NEGR1: variants seen among roughly 807,000 people sequenced by gnomAD.
NEGR1 encodes neuronal growth regulator 1.
Under a neutral mutation model 40.9 loss-of-function variants are expected in NEGR1, and 10 were observed. The observed-to-expected ratio is 0.24, with a 90% CI of 0.15 to 0.42. The LOEUF (loss-of-function observed/expected upper bound fraction) is 0.42. NEGR1 is among the 10% of genes least tolerant of loss of function. The pLI, the probability that NEGR1 is intolerant of heterozygous loss-of-function variation, is 1.00. For synonymous variants in NEGR1, 185 were observed against 166.8 expected, an observed-to-expected ratio of 1.11 and a Z score of -0.84; for missense variants, 352 against 438.9, an observed-to-expected ratio of 0.80 and a Z score of 1.77.
At chr1:71,918,216 CAAAAAAAAAAAAAAAAAAAAAAAAAA>C (rs1159908343) in intron 2 of NEGR1, among the ~76,000 whole-genome samples, 3 of 24,744 alleles carry the variant, frequency 1.2e-4, no homozygotes, top group African/African-American at 1.7e-4. Context: ...GACTCTGTCT[CAAAAAAAAAAAAAAAAAAAAAAAAAA>C]AAAAAAAAAA....
intron 2 of NEGR1, among the ~76,000 whole-genome samples, chr1:71,927,997 C>T (rs1242475141): frequency 4.4e-5 from 6 of 137,024 alleles, no homozygotes; most frequent in Non-Finnish European, 1.6e-5. Context: ...GATGCTGTCT[C>T]AGGAAAAAAT....
At chr1:71,703,066 C>T (rs372352061) in intron 3 of NEGR1, 1 of 151,792 alleles carries the variant, frequency 6.6e-6, no homozygotes, top group African/African-American at 2.4e-5. Context: ...GGCAAAAAAT[C>T]CCACAAATCT....
intron 3 of NEGR1, among the ~76,000 whole-genome samples, chr1:71,770,177 A>T (rs1656267464): frequency 6.6e-6 from 1 of 152,256 alleles, no homozygotes; most frequent in Non-Finnish European, 1.5e-5. Flanking sequence ...GAGCAGAAGC[A>T]GTAGGATCAC....
intron 4 of NEGR1, among the ~76,000 whole-genome samples, chr1:71,695,676 T>C (rs980576569): frequency 2.0e-5 from 3 of 151,768 alleles, no homozygotes; most frequent in Non-Finnish European, 3.0e-5. Flanking sequence ...CCAGCTCCCA[T>C]CTTGTGTTAG....
chr1:71,661,114 G>T (rs6424439), intron 4 of NEGR1, among the ~76,000 whole-genome samples: 1 of 151,668 alleles, frequency 6.6e-6, no homozygotes, highest in Admixed American at 6.6e-5. Flanking sequence ...TGAGCATTAC[G>T]GTCGGTTCCA....
At chr1:71,886,720 A>G (rs1319479691) in intron 2 of NEGR1, among the ~76,000 whole-genome samples, 2 of 152,220 alleles carry the variant, frequency 1.3e-5, no homozygotes, top group Non-Finnish European at 2.9e-5. Context: ...TAAATAAGAT[A>G]TAAAACTAGT....
intron 6 of NEGR1, among the ~76,000 whole-genome samples, chr1:71,436,985 C>T (rs1182725928): frequency 1.3e-5 from 2 of 152,046 alleles, no homozygotes; most frequent in African/African-American, 4.8e-5. Flanking sequence ...CTTAGGGCCT[C>T]TTCATGTTGT....
intron 6 of NEGR1, among the ~76,000 whole-genome samples, chr1:71,431,173 A>T (rs1276071855): frequency 6.6e-6 from 1 of 151,690 alleles, no homozygotes; most frequent in Non-Finnish European, 1.5e-5. Flanking sequence ...GTTTAGATGT[A>T]TTCAAATCCC....
intron 1 of NEGR1, among the ~76,000 whole-genome samples, chr1:72,053,409 A>G (rs1291997349): frequency 6.6e-6 from 1 of 151,150 alleles, no homozygotes; most frequent in East Asian, 1.9e-4. Context: ...AATTACAAAA[A>G]TATACTTTAT....
chr1:71,912,806 ATG>A (rs1027825482), intron 2 of NEGR1, among the ~76,000 whole-genome samples: 2 of 91,852 alleles, frequency 2.2e-5, no homozygotes, highest in African/African-American at 2.9e-5. Context: ...ATGTATGTAC[ATG>A]TGTGTGTATA....
At chr1:71,842,946 T>G (rs897493594) in intron 2 of NEGR1, among the ~76,000 whole-genome samples, 19 of 152,334 alleles carry the variant, frequency 1.2e-4, no homozygotes, top group African/African-American at 4.6e-4. Context: ...TAGAGGATTA[T>G]AACACTTTCC....
chr1:71,885,949 T>C (rs932935978), intron 2 of NEGR1, among the ~76,000 whole-genome samples: 3 of 152,220 alleles, frequency 2.0e-5, no homozygotes, highest in African/African-American at 7.2e-5. Flanking sequence ...ATGCTTTTAA[T>C]AAGCAGGCAG....
At chr1:71,888,409 C>T (rs956753407) in intron 2 of NEGR1, among the ~76,000 whole-genome samples, 4 of 151,944 alleles carry the variant, frequency 2.6e-5, no homozygotes, top group Non-Finnish European at 2.9e-5. Flanking sequence ...ACCTGGGAAG[C>T]GCAAGGGGTC....
At chr1:71,458,992 A>C (rs1279135147) in intron 6 of NEGR1, among the ~76,000 whole-genome samples, 1 of 152,112 alleles carries the variant, frequency 6.6e-6, no homozygotes, top group African/African-American at 2.4e-5. Flanking sequence ...ACCAAGTTCC[A>C]GAGTTTGAGC....
chr1:71,978,722 C>A (rs1646328946), intron 1 of NEGR1, among the ~76,000 whole-genome samples: 1 of 151,740 alleles, frequency 6.6e-6, no homozygotes, highest in Non-Finnish European at 1.5e-5. Context: ...AGCAAGGTTG[C>A]AGAGAAAAGG....
intron 1 of NEGR1, among the ~76,000 whole-genome samples, chr1:72,175,395 GTT>G (rs939437436): frequency 6.6e-6 from 1 of 152,046 alleles, no homozygotes; most frequent in Non-Finnish European, 1.5e-5. Context: ...TCCAATTAAT[GTT>G]CTATCAATCC....
intron 2 of NEGR1, among the ~76,000 whole-genome samples, chr1:71,786,295 T>G (rs1373581266): frequency 6.6e-6 from 1 of 152,176 alleles, no homozygotes; most frequent in Non-Finnish European, 1.5e-5. Context: ...ATTCATATGT[T>G]TATATAGATC....
At chr1:71,641,993 G>A (rs1043908244) in intron 4 of NEGR1, among the ~76,000 whole-genome samples, 8 of 152,036 alleles carry the variant, frequency 5.3e-5, no homozygotes, top group South Asian at 2.1e-4. Context: ...TAGGAAGTAC[G>A]GTGAGTTAGT....
chr1:71,480,175 C>T (rs980835997), intron 6 of NEGR1, among the ~76,000 whole-genome samples: 1 of 151,912 alleles, frequency 6.6e-6, no homozygotes, highest in African/African-American at 2.4e-5. Context: ...TGAATGTTTA[C>T]TATGTGCCAG....
Sources: allele counts gnomAD v4.1 joint callset (sites outside exome capture counted in the v4.1 genomes callset), GRCh38; gene constraint gnomAD v4.1.1; transcripts MANE v1.5; gene names NCBI Gene and HGNC (gene_info 2026-07-23, HGNC 2026-07-21).